HIPK2: variants seen among roughly 807,000 people sequenced by gnomAD.
HIPK2 encodes homeodomain-interacting protein kinase 2.
In HIPK2, 27 loss-of-function variants were observed where a neutral mutation model predicts 113.7. The ratio of observed to expected loss-of-function variants is 0.24; its 90% CI spans 0.17 to 0.33. HIPK2 has a LOEUF of 0.33. Among genes scored for constraint, HIPK2 ranks in the 10% least tolerant of loss-of-function variants. The pLI is 1.00. For synonymous variants in HIPK2, 631 were observed against 642.2 expected, an observed-to-expected ratio of 0.98 and a Z score of 0.26; for missense variants, 1,257 against 1,588.0, an observed-to-expected ratio of 0.79 and a Z score of 3.54.
chr7:139,776,566 T>A (rs1796755135), intron 1 of HIPK2, among the ~76,000 whole-genome samples: 1 of 151,948 alleles, frequency 6.6e-6, no homozygotes, highest in Non-Finnish European at 1.5e-5. Flanking sequence ...CTGTCCCCTC[T>A]CATTTGCGAT....
chr7:139,587,278 T>G (rs1374802514), intron 12 of HIPK2, among the ~76,000 whole-genome samples: 1 of 151,290 alleles, frequency 6.6e-6, no homozygotes, highest in Non-Finnish European at 1.5e-5. Context: ...TCACCTGAGG[T>G]CACAAGTTTG....
chr7:139,642,364 GGGA>G (rs1000293736), intron 2 of HIPK2, among the ~76,000 whole-genome samples: 1 of 152,320 alleles, frequency 6.6e-6, no homozygotes, highest in East Asian at 1.9e-4. Context: ...CTGAAGAGCA[GGGA>G]GGAGGAGGAG....
intron 1 of HIPK2, among the ~76,000 whole-genome samples, chr7:139,776,760 G>GTAAAA (rs1255115373): frequency 6.6e-6 from 1 of 152,224 alleles, no homozygotes; most frequent in Non-Finnish European, 1.5e-5. Context: ...ACATCGAAGT[G>GTAAAA]TAAAAACTTA....
chr7:139,651,411 T>C (rs548777945), intron 2 of HIPK2, among the ~76,000 whole-genome samples: 2 of 152,366 alleles, frequency 1.3e-5, no homozygotes, highest in African/African-American at 2.4e-5. Context: ...GTGATATTCC[T>C]AAAAGTTTGG....
chr7:139,743,909 T>C (rs1425951006), intron 1 of HIPK2, among the ~76,000 whole-genome samples: 1 of 152,190 alleles, frequency 6.6e-6, no homozygotes, highest in Non-Finnish European at 1.5e-5. Flanking sequence ...ATCCAGAGTA[T>C]ATAAAGAACT....
intron 2 of HIPK2, among the ~76,000 whole-genome samples, chr7:139,641,834 C>G (rs185000811): frequency 1.4e-3 from 216 of 152,350 alleles, no homozygotes; most frequent in Non-Finnish European, 2.7e-3. Context: ...CACTGCCACT[C>G]CGAACTTGGG....
At chr7:139,702,078 T>C (rs1356307013) in intron 2 of HIPK2, among the ~76,000 whole-genome samples, 9 of 152,098 alleles carry the variant, frequency 5.9e-5, no homozygotes, top group Admixed American at 5.9e-4. Flanking sequence ...GGAGGTGTCT[T>C]TTGAGAGCAA....
intron 1 of HIPK2, among the ~76,000 whole-genome samples, chr7:139,768,517 G>A (rs572143376): frequency 2.0e-5 from 3 of 152,182 alleles, no homozygotes; most frequent in African/African-American, 7.2e-5. Context: ...TGATCGTACT[G>A]ACTTCTCTCC....
At chr7:139,682,720 AT>A (rs1162165714) in intron 2 of HIPK2, among the ~76,000 whole-genome samples, 1 of 152,244 alleles carries the variant, frequency 6.6e-6, no homozygotes, top group African/African-American at 2.4e-5. Flanking sequence ...CTCTGAGTCA[AT>A]GGCAATCTCC....
intron 2 of HIPK2, among the ~76,000 whole-genome samples, chr7:139,665,949 CCT>C (rs1569468955): frequency 6.9e-6 from 1 of 145,598 alleles, no homozygotes; most frequent in Admixed American, 6.9e-5. Context: ...AGGAGGTCTG[CCT>C]TTTTTTTTTT....
chr7:139,617,158 T>A (rs1162256131), intron 7 of HIPK2, among the ~76,000 whole-genome samples: 1 of 152,192 alleles, frequency 6.6e-6, no homozygotes, highest in Non-Finnish European at 1.5e-5. Context: ...AGCTAGCCTA[T>A]CACTTGCCAG....
intron 13 of HIPK2, among the ~76,000 whole-genome samples, chr7:139,578,855 A>G (rs57213785): frequency 0.05 from 7,632 of 152,102 alleles, 403 homozygotes; most frequent in African/African-American, 0.13. Context: ...ATTTTTTAGT[A>G]GAGATGGGGT....
intron 5 of HIPK2, 157 bp from the exon 6 acceptor site, chr7:139,626,942 G>T: frequency 3.9e-6 from 1 of 255,894 alleles, no homozygotes; most frequent in Non-Finnish European, 6.1e-6. Context: ...CCACCCACAT[G>T]TTGTCATTGC....
At chr7:139,656,398 C>T (rs868258594) in intron 2 of HIPK2, among the ~76,000 whole-genome samples, 23 of 152,190 alleles carry the variant, frequency 1.5e-4, no homozygotes, top group African/African-American at 4.6e-4. Flanking sequence ...TTGCTTATCA[C>T]GTTTACCTTT....
At chr7:139,590,830 T>C (rs532739147) in intron 12 of HIPK2, among the ~76,000 whole-genome samples, 1 of 152,268 alleles carries the variant, frequency 6.6e-6, no homozygotes, top group South Asian at 2.1e-4. Flanking sequence ...ATATGGCACA[T>C]ACATTCCATT....
At position 139,573,106 on chromosome 7, in the gene HIPK2, T is replaced by C. The variant is rs1585223788; in HGVS notation, c.3418A>G (p.Ile1140Val). ...TVQHTAYPAS[I>V]VHQVPVSMGP... Reference sequence around the variant, plus strand: ...ATGCTCACGGGGACCTGGTGGACGATGCTGGCTGGGTAGGCAGTGTGCTGC... The same window carrying C: ...ATGCTCACGGGGACCTGGTGGACGACGCTGGCTGGGTAGGCAGTGTGCTGC... Residue 1140 changes from isoleucine (I) to valine (V), a missense_variant, in exon 15 of 15, where the codon ATC becomes GTC. By Grantham distance (29) the Ile-to-Val change is conservative. This residue lies in a region of HIPK2 where 862 missense variants were observed against 1,004.3 expected (regional missense o/e 0.86). Coordinates refer to ENST00000406875, the MANE Select transcript of HIPK2 (RefSeq NM_022740.5). 1.9e-6 allele frequency: 3 copies of C among 1,612,142 alleles called. No individual in the cohort carries two copies. Among genetic ancestry groups the C allele is most frequent in the Non-Finnish European group, 2.5e-6 (3 of 1,179,244 alleles).
At chr7:139,643,355 C>G (rs758244200) in intron 2 of HIPK2, among the ~76,000 whole-genome samples, 6 of 151,026 alleles carry the variant, frequency 4.0e-5, no homozygotes, top group Non-Finnish European at 8.8e-5. Flanking sequence ...TGGCAGTGAA[C>G]ATCTTGGCTC....
rs76839994 is a variant in HIPK2, at chr7:139,585,558, G to A, written c.2718-1494C>T. Among the ~76,000 whole-genome samples the A allele has an allele frequency of 2.0e-3, 308 of 152,328 alleles. 1 individual carries two copies. The highest frequency in any genetic ancestry group is 6.9e-3 in the African/African-American group (286 of 41,580). ...AGCTGTCTAACTTCGGCATGTGCTG[G>A]TGACAGGGCGGTGGGCAGCTATTTA... On this transcript the variant is annotated intron_variant, in intron 12 of 14. Transcript: ENST00000406875.
intron 1 of HIPK2, among the ~76,000 whole-genome samples, chr7:139,771,193 G>A (rs375606651): frequency 6.6e-5 from 10 of 151,976 alleles, no homozygotes; most frequent in East Asian, 5.8e-4. Context: ...TTTGACAAAC[G>A]GTCCCTTCTA....
Sources: allele counts gnomAD v4.1 joint callset (sites outside exome capture counted in the v4.1 genomes callset), GRCh38; gene constraint gnomAD v4.1.1; regional missense constraint gnomAD v4.1.1; transcripts MANE v1.5; gene names NCBI Gene and HGNC (gene_info 2026-07-23, HGNC 2026-07-21).